MAP3K3: variants seen among roughly 807,000 people sequenced by gnomAD.
The protein encoded by MAP3K3 is mitogen-activated protein kinase kinase kinase 3, also known as MAP/ERK kinase kinase 3.
MAP3K3 carries 12 observed loss-of-function variants against 80.9 expected under a neutral mutation model. The observed-to-expected ratio is 0.15, with a 90% CI of 0.10 to 0.24. The LOEUF (loss-of-function observed/expected upper bound fraction) is 0.24, where lower values mean the gene tolerates loss of function less well. Among genes scored for constraint, MAP3K3 ranks in the 10% least tolerant of loss-of-function variants. The pLI is 1.00. For missense variants in MAP3K3, 596 were observed against 834.7 expected (o/e 0.71, Z 3.52); for synonymous variants, 272 against 307.1 (o/e 0.89, Z 1.19).
Position 63,692,520 on chromosome 17 carries a change from G to A in MAP3K3, c.1652+101G>A, listed in dbSNP as rs1331511193. 4.7e-6 allele frequency: 6 copies of A among 1,273,490 alleles called. No individual in the cohort carries two copies. The highest frequency in any genetic ancestry group is 6.4e-6 in the Non-Finnish European group (6 of 935,018). The allele number at this position is 1,273,490 out of a possible 1,614,324, so 78.9% of individuals were successfully genotyped here. A position where few individuals can be genotyped will look rare whatever the true frequency, so the allele number is the denominator to read the frequency against. ...ACTTTGTGGTGTGGCAGGAGGGAGT[G>A]TGCCCAGGGCCCAGGCTGCAGTGTG... On this transcript the variant is annotated intron_variant, in intron 15 of 15. Transcript: ENST00000361733. This position sits in a 1 kb window ranked among gnomAD's most constrained non-coding sequence, Gnocchi z 4.5.
At chr17:63,685,669 T>C in intron 8 of MAP3K3, 79 bp downstream of exon 8, 1 of 1,199,202 alleles carries the variant, frequency 8.3e-7, no homozygotes, top group South Asian at 1.2e-5. Flanking sequence ...GAGTTAGCTC[T>C]GGAGGCCCAG....
intron 5 of MAP3K3, among the ~76,000 whole-genome samples, chr17:63,664,195 C>T (rs1003437837): frequency 2.2e-5 from 3 of 139,408 alleles, no homozygotes; most frequent in East Asian, 4.1e-4. Context: ...TGCAGTGAGC[C>T]GAGATCGCGC....
At chr17:63,633,195 T>C (rs1023105761) in intron 2 of MAP3K3, among the ~76,000 whole-genome samples, 1 of 150,002 alleles carries the variant, frequency 6.7e-6, no homozygotes, top group East Asian at 2.0e-4. Flanking sequence ...ACCACTGCAC[T>C]CCAGCCTGGG....
intron 3 of MAP3K3, among the ~76,000 whole-genome samples, chr17:63,647,321 A>G (rs1336411870): frequency 6.6e-6 from 1 of 152,170 alleles, no homozygotes; most frequent in African/African-American, 2.4e-5. Flanking sequence ...CAGAGAAGTT[A>G]AATTGTCACT....
intron 3 of MAP3K3, among the ~76,000 whole-genome samples, chr17:63,647,759 C>T (rs1007829847): frequency 1.3e-5 from 2 of 152,158 alleles, no homozygotes; most frequent in Non-Finnish European, 2.9e-5. Context: ...GTACTCTGTG[C>T]CACACAGCTC....
chr17:63,643,675 C>T (rs2034488404), intron 2 of MAP3K3, among the ~76,000 whole-genome samples: 1 of 152,044 alleles, frequency 6.6e-6, no homozygotes, highest in Admixed American at 6.6e-5. Flanking sequence ...GGGCTGTAGG[C>T]AGGAACAGGT....
At chr17:63,653,265 A>G (rs1057045218) in intron 4 of MAP3K3, among the ~76,000 whole-genome samples, 5 of 152,228 alleles carry the variant, frequency 3.3e-5, no homozygotes, top group Admixed American at 6.5e-5. Flanking sequence ...CCCAGCTCCA[A>G]GAAGAATATT....
chr17:63,624,500 AT>A (rs982723573), intron 1 of MAP3K3, among the ~76,000 whole-genome samples: 35 of 152,278 alleles, frequency 2.3e-4, no homozygotes, highest in Admixed American at 4.6e-4. Context: ...ATTTCAAGAC[AT>A]TTTCAAAAAG....
chr17:63,631,821 A>G (rs2034221896), intron 1 of MAP3K3, among the ~76,000 whole-genome samples: 1 of 152,224 alleles, frequency 6.6e-6, no homozygotes, highest in Non-Finnish European at 1.5e-5. Context: ...GGGAAGTAGT[A>G]GGCCTATAAA....
intron 11 of MAP3K3, 24 bp from the exon 12 acceptor site, chr17:63,690,240 C>G (rs757620907): frequency 1.2e-6 from 2 of 1,607,080 alleles, no homozygotes; most frequent in South Asian, 2.2e-5. Context: ...CACAAAGTAA[C>G]TCTTTCCTTC....
In MAP3K3 at chr17:63,689,767, G is replaced by A; in HGVS notation, c.1063+32G>A. 1 of 1,577,920 alleles carries A rather than the reference G, an allele frequency of 6.3e-7. No homozygotes were observed. The highest frequency in any genetic ancestry group is 8.6e-7 in the Non-Finnish European group (1 of 1,157,232). On this transcript the variant is annotated intron_variant, in intron 11 of 15. Transcript: ENST00000361733. The surrounding 1 kb of genome is among the most constrained non-coding windows in gnomAD (Gnocchi z 4.3). ...AGCTGTCCCTGGCTAGGAGGAGACT[G>A]CCCAGGTGGTCTCAGACAAGCTACG...
chr17:63,633,280 G>A (rs1411133806), intron 2 of MAP3K3, among the ~76,000 whole-genome samples: 2 of 151,828 alleles, frequency 1.3e-5, no homozygotes, highest in East Asian at 3.9e-4. Flanking sequence ...TCTATGATTT[G>A]GAGTCTTAAA....
intron 3 of MAP3K3, 144 bp from the exon 4 acceptor site, chr17:63,652,413 G>C (rs1330346793): frequency 1.6e-6 from 1 of 629,648 alleles, no homozygotes; most frequent in Non-Finnish European, 2.8e-6. Flanking sequence ...AGGAAAAAAG[G>C]AAACAATCGG....
intron 3 of MAP3K3, among the ~76,000 whole-genome samples, chr17:63,650,428 A>G (rs1217407384): frequency 6.6e-6 from 1 of 152,002 alleles, no homozygotes; most frequent in Non-Finnish European, 1.5e-5. Flanking sequence ...CAGCCTCCCA[A>G]GTAGCTGGGA....
At chr17:63,687,521 A>G (rs540530432) in intron 8 of MAP3K3, among the ~76,000 whole-genome samples, 10 of 151,666 alleles carry the variant, frequency 6.6e-5, no homozygotes, top group African/African-American at 2.4e-4. Flanking sequence ...CAAAAAGAAA[A>G]AAAAAAAAAG....
rs759061216 is a variant in MAP3K3 at position 63,693,563 on chromosome 17, C to G, written c.1667C>G (p.Thr556Ser). The change falls in exon 16 of 16, where the codon ACT (threonine) becomes AGT (serine). Residue 556 changes from threonine to serine, a missense_variant. Thr to Ser is a moderately conservative substitution (Grantham distance 58, BLOSUM62 1). Transcript: ENST00000361733. The surrounding 1 kb of genome is among the most constrained non-coding windows in gnomAD (Gnocchi z 4.2). ...RKADVWSLGCTVVEMLTEKPP... is the reference protein window; with the variant it reads ...RKADVWSLGCSVVEMLTEKPP... Reference sequence around the variant, plus strand: ...TCTCTTTCCAGGAGCCTGGGCTGCACTGTGGTGGAGATGCTGACAGAGAAA... The same window carrying G: ...TCTCTTTCCAGGAGCCTGGGCTGCAGTGTGGTGGAGATGCTGACAGAGAAA... The G allele has an allele frequency of 1.9e-6, 3 of 1,607,652 alleles. No individual in the cohort carries two copies. The highest frequency in any genetic ancestry group is 2.5e-6 in the Non-Finnish European group (3 of 1,177,434).
chr17:63,633,296 G>C (rs1167932135), intron 2 of MAP3K3, among the ~76,000 whole-genome samples: 2 of 151,782 alleles, frequency 1.3e-5, no homozygotes, highest in Non-Finnish European at 2.9e-5. Context: ...TTAAAGCCTT[G>C]TGTAAGCATT....
In MAP3K3 at chr17:63,627,709, T is replaced by C. The variant is rs544631299; in HGVS notation, c.4+4946T>C. Among the ~76,000 whole-genome samples, 127 of 152,208 alleles carry C rather than the reference T, an allele frequency of 8.3e-4. 2 individuals are homozygous for C. Among genetic ancestry groups the C allele is most frequent in the African/African-American group, 3.0e-3 (124 of 41,538 alleles). On this transcript the variant is annotated intron_variant, in intron 1 of 15. Transcript: ENST00000361733. ...CACCCTCCTCGGCCTCCCAAAGTGC[T>C]AGGATTACAGGCATGAGCCATCGTG... is the stretch of plus-strand genomic sequence containing the variant.
intron 4 of MAP3K3, among the ~76,000 whole-genome samples, chr17:63,654,948 A>G (rs2034733835): frequency 1.3e-5 from 2 of 152,088 alleles, no homozygotes; most frequent in South Asian, 4.1e-4. Context: ...AGGCAGAAGA[A>G]TTACTTGAAC....
Sources: allele counts gnomAD v4.1 joint callset (sites outside exome capture counted in the v4.1 genomes callset), GRCh38; gene constraint gnomAD v4.1.1; non-coding constraint Gnocchi (gnomAD v3.1); transcripts MANE v1.5; gene names NCBI Gene and HGNC (gene_info 2026-07-23, HGNC 2026-07-21).